FHIT: variants seen among roughly 807,000 people sequenced by gnomAD.
FHIT encodes bis(5'-adenosyl)-triphosphatase.
FHIT carries 19 observed loss-of-function variants against 17.9 expected under a neutral mutation model. The observed-to-expected ratio is 1.06, with a 90% CI of 0.74 to 1.56. FHIT has a LOEUF of 1.56. Among genes scored for constraint, FHIT ranks in the 40% most tolerant of loss-of-function variants. The pLI is 0.00. For missense variants in FHIT, 248 were observed against 189.2 expected, an observed-to-expected ratio of 1.31 and a Z score of -1.82; for synonymous variants, 81 against 69.7, an observed-to-expected ratio of 1.16 and a Z score of -0.81.
In FHIT at chr3:60,114,488, C is replaced by CTTTTTTTTTTTTTTTTTTTTTTTTTTTTT. The variant is rs145618938; in HGVS notation, c.104-100337_104-100336insAAAAAAAAAAAAAAAAAAAAAAAAAAAAA. Among the ~76,000 whole-genome samples, 7 of 59,480 alleles carry CTTTTTTTTTTTTTTTTTTTTTTTTTTTTT rather than the reference C, an allele frequency of 1.2e-4. 3 individuals are homozygous for CTTTTTTTTTTTTTTTTTTTTTTTTTTTTT. The highest frequency in any genetic ancestry group is 2.0e-4 in the Non-Finnish European group (7 of 34,422). 39.0% of individuals were successfully genotyped at this position (59,480 alleles called of 152,430 possible). On this transcript the variant is annotated intron_variant, in intron 5 of 9. Transcript: ENST00000492590. ...TAAAATAAGGAAGAACAAGAGAAAT[C>CTTTTTTTTTTTTTTTTTTTTTTTTTTTTT]CTTTTTTTTTTTTTTTTTTTTTTTT...
chr3:61,230,558 G>A (rs1576267245), intron 1 of FHIT, among the ~76,000 whole-genome samples: 1 of 151,990 alleles, frequency 6.6e-6, no homozygotes, highest in Non-Finnish European at 1.5e-5. Context: ...TTATAGCAAT[G>A]CAAGAATGGC....
chr3:60,490,031 G>A (rs1260355166), intron 5 of FHIT, among the ~76,000 whole-genome samples: 1 of 152,050 alleles, frequency 6.6e-6, no homozygotes, highest in Non-Finnish European at 1.5e-5. Context: ...ACCAAAATGA[G>A]CAATGAATTT....
intron 3 of FHIT, among the ~76,000 whole-genome samples, chr3:60,921,555 T>C (rs1707281576): frequency 6.6e-6 from 1 of 152,230 alleles, no homozygotes; most frequent in Non-Finnish European, 1.5e-5. Flanking sequence ...CATGATATTA[T>C]AGCTTTTTAA....
At chr3:60,852,063 T>C (rs375295999) in intron 3 of FHIT, among the ~76,000 whole-genome samples, 48 of 152,212 alleles carry the variant, frequency 3.2e-4, no homozygotes, top group African/African-American at 1.0e-3. Flanking sequence ...AATCAACAGA[T>C]GCAGTAAAGC....
chr3:61,032,381 A>G (rs2033050584), intron 3 of FHIT, among the ~76,000 whole-genome samples: 1 of 152,198 alleles, frequency 6.6e-6, no homozygotes, highest in Admixed American at 6.5e-5. Flanking sequence ...GTGTACTACC[A>G]GAAGGTGAAT....
intron 4 of FHIT, among the ~76,000 whole-genome samples, chr3:60,647,211 A>G (rs2039881227): frequency 6.6e-6 from 1 of 152,144 alleles, no homozygotes; most frequent in South Asian, 2.1e-4. Context: ...GGCAGAAAAT[A>G]TTTCTTACAG....
chr3:60,857,581 T>C (rs1553750300), intron 3 of FHIT, among the ~76,000 whole-genome samples: 1 of 152,174 alleles, frequency 6.6e-6, no homozygotes. Flanking sequence ...TAGCATGCAA[T>C]AAATGTTATA....
At chr3:61,109,701 T>C (rs1337153179) in intron 2 of FHIT, among the ~76,000 whole-genome samples, 4 of 152,142 alleles carry the variant, frequency 2.6e-5, no homozygotes, top group Non-Finnish European at 5.9e-5. Flanking sequence ...ATAAGCAATG[T>C]CATAAGGCAT....
chr3:59,908,476 T>C (rs1704688623), intron 8 of FHIT, among the ~76,000 whole-genome samples: 1 of 152,198 alleles, frequency 6.6e-6, no homozygotes, highest in African/African-American at 2.4e-5. Flanking sequence ...TGGACACCTC[T>C]AGGAATGTAG....
At chr3:60,823,511 C>T (rs797027526) in intron 3 of FHIT, among the ~76,000 whole-genome samples, 19 of 152,144 alleles carry the variant, frequency 1.2e-4, no homozygotes, top group African/African-American at 2.9e-4. Context: ...GGAGAAGGAA[C>T]GCCATGTGAG....
At chr3:60,128,223 C>T (rs1358312452) in intron 5 of FHIT, among the ~76,000 whole-genome samples, 1 of 152,076 alleles carries the variant, frequency 6.6e-6, no homozygotes, top group East Asian at 1.9e-4. Context: ...AATTGTAGTT[C>T]CCATAATCCC....
At chr3:60,120,286 C>T (rs1705189142) in intron 5 of FHIT, among the ~76,000 whole-genome samples, 1 of 152,198 alleles carries the variant, frequency 6.6e-6, no homozygotes, top group African/African-American at 2.4e-5. Context: ...CAGAGATCAG[C>T]ACAGTGCCTG....
At chr3:60,369,591 G>A (rs1423225778) in intron 5 of FHIT, among the ~76,000 whole-genome samples, 1 of 151,912 alleles carries the variant, frequency 6.6e-6, no homozygotes, top group Non-Finnish European at 1.5e-5. Flanking sequence ...ATCCTTTCAC[G>A]CTTGCTTTTA....
At chr3:60,028,803 G>T (rs928280908) in intron 5 of FHIT, among the ~76,000 whole-genome samples, 7 of 152,056 alleles carry the variant, frequency 4.6e-5, no homozygotes, top group African/African-American at 1.4e-4. Flanking sequence ...AATTACCAAA[G>T]AATTTATGAT....
At chr3:60,689,325 GA>G (rs1257077471) in intron 4 of FHIT, among the ~76,000 whole-genome samples, 13 of 149,574 alleles carry the variant, frequency 8.7e-5, no homozygotes, top group Middle Eastern at 6.9e-3. Context: ...ATACACTCAG[GA>G]AAAAAAAATG....
intron 5 of FHIT, among the ~76,000 whole-genome samples, chr3:60,115,004 TAC>T (rs1704890774): frequency 6.6e-6 from 1 of 152,158 alleles, no homozygotes; most frequent in South Asian, 2.1e-4. Context: ...GAAAATATGT[TAC>T]ATTGTTTTCT....
At chr3:60,055,448 CTTTT>C (rs4024133) in intron 5 of FHIT, among the ~76,000 whole-genome samples, 3 of 143,144 alleles carry the variant, frequency 2.1e-5, no homozygotes, top group Admixed American at 6.9e-5. Flanking sequence ...GATGGACTTT[CTTTT>C]TTTTTTTTTT....
chr3:60,113,703 G>A (rs927511491), intron 5 of FHIT, among the ~76,000 whole-genome samples: 3 of 151,394 alleles, frequency 2.0e-5, no homozygotes, highest in African/African-American at 7.3e-5. Flanking sequence ...CATGATCAAT[G>A]ATAAATTTTA....
chr3:60,842,651 T>A (rs1414878052), intron 3 of FHIT, among the ~76,000 whole-genome samples: 5,179 of 91,594 alleles, frequency 0.057, 152 homozygotes, highest in African/African-American at 0.097. Flanking sequence ...ATATATTTTT[T>A]TTTTTTTTTT....
Sources: gnomAD v4.1 joint callset for allele counts (sites outside exome capture counted in the v4.1 genomes callset) on GRCh38, gnomAD v4.1.1 for gene constraint, MANE v1.5 for transcripts, NCBI Gene and HGNC (gene_info 2026-07-23, HGNC 2026-07-21) for gene names.